PRKAG2: variants seen among roughly 807,000 people sequenced by gnomAD.
The protein encoded by PRKAG2 is protein kinase AMP-activated non-catalytic subunit gamma 2.
Under a neutral mutation model 69.6 loss-of-function variants are expected in PRKAG2, and 26 were observed. The observed-to-expected ratio is 0.37, with a 90% CI of 0.27 to 0.52. The LOEUF (loss-of-function observed/expected upper bound fraction) is 0.52. Among genes scored for constraint, PRKAG2 ranks in the 20% least tolerant of loss-of-function variants. PRKAG2 has a pLI of 0.90. For missense variants in PRKAG2, 557 were observed against 740.0 expected, an observed-to-expected ratio of 0.75 and a Z score of 2.87; for synonymous variants, 293 against 285.0, an observed-to-expected ratio of 1.03 and a Z score of -0.28.
intron 3 of PRKAG2, among the ~76,000 whole-genome samples, chr7:151,753,860 C>A (rs1238062076): frequency 6.6e-6 from 1 of 152,034 alleles, no homozygotes; most frequent in Non-Finnish European, 1.5e-5. Flanking sequence ...ATGGCAAAAC[C>A]CCATCTCTAC....
chr7:151,773,025 G>GAAAGAAAGAA (rs762104825), intron 3 of PRKAG2, among the ~76,000 whole-genome samples: 65 of 40,016 alleles, frequency 1.6e-3, no homozygotes, highest in Non-Finnish European at 1.8e-3. Flanking sequence ...AAGAAAGAAA[G>GAAAGAAAGAA]AGAGAGAGAG....
rs183442861 is a variant in PRKAG2, at chr7:151,777,908, T to C, written c.466+3244A>G. 3.9e-5 allele frequency among the ~76,000 whole-genome samples: 6 copies of C among 152,212 alleles called. No homozygotes were observed. Among genetic ancestry groups the C allele is most frequent in the Admixed American group, 3.3e-4 (5 of 15,278 alleles). On this transcript the variant is annotated intron_variant, in intron 3 of 15. Coordinates refer to ENST00000287878, the MANE Select transcript of PRKAG2 (RefSeq NM_016203.4). The surrounding 1 kb of genome is among the most constrained non-coding windows in gnomAD (Gnocchi z 4.3). ...GGCTAACATGCAGGTGTAGTTTCTATGATCTCGTACTGCTCTGGGGTCATG... is the reference window on the plus strand; with the variant it reads ...GGCTAACATGCAGGTGTAGTTTCTACGATCTCGTACTGCTCTGGGGTCATG...
intron 1 of PRKAG2, among the ~76,000 whole-genome samples, chr7:151,841,417 G>GGTAGGTAGGGATGGTAGTGATA (rs1433890923): frequency 2.0e-5 from 3 of 149,690 alleles, no homozygotes; most frequent in East Asian, 2.0e-4. Context: ...TGGTAGTGAT[G>GGTAGGTAGGGATGGTAGTGATA]GTAGGTAGGG....
intron 1 of PRKAG2, among the ~76,000 whole-genome samples, chr7:151,831,271 C>T (rs1209087823): frequency 6.6e-6 from 1 of 152,074 alleles, no homozygotes; most frequent in African/African-American, 2.4e-5. Context: ...TATTTCCATA[C>T]AGAAATTTGT....
At position 151,719,817 on chromosome 7, in the gene PRKAG2, G is replaced by A. The variant is rs1796755886; in HGVS notation, c.467-44180C>T. On this transcript the variant is annotated intron_variant, in intron 3 of 15. Transcript: ENST00000287878. The surrounding 1 kb of genome is among the most constrained non-coding windows in gnomAD (Gnocchi z 5.2). ...CTCCTCCCCCTGAGTTTGCCAGGCA[G>A]CCTGTAAGTTGGGGCTCCAAGTAAC... 1.3e-5 allele frequency among the ~76,000 whole-genome samples: 2 copies of A among 152,146 alleles called. No individual in the cohort carries two copies. Among genetic ancestry groups the A allele is most frequent in the South Asian group, 4.2e-4 (2 of 4,804 alleles).
At position 151,851,324 on chromosome 7, in the gene PRKAG2, G is replaced by A. The variant is rs142221485; in HGVS notation, c.114+25183C>T. On this transcript the variant is annotated intron_variant, in intron 1 of 15. Transcript: ENST00000287878. ...CGGGTTTTCCCAGTTTGAGACTGGC[G>A]AGTTTGGGGCCTCTGGCAAAAAAAA... Among the ~76,000 whole-genome samples, 665 of 150,290 alleles carry A rather than the reference G, an allele frequency of 4.4e-3. 4 individuals are homozygous for A. The highest frequency in any genetic ancestry group is 0.016 in the African/African-American group (637 of 40,598).
chr7:151,773,122 G>GGAAAGAAGGGAA (rs2076160048), intron 3 of PRKAG2, among the ~76,000 whole-genome samples: 1 of 128,470 alleles, frequency 7.8e-6, no homozygotes, highest in East Asian at 2.2e-4. Flanking sequence ...AGGGAAGGAA[G>GGAAAGAAGGGAA]GAAAGGAAGG....
Position 151,807,934 on chromosome 7 carries a change from G to C in PRKAG2, c.115-21393C>G, listed in dbSNP as rs112386889. Among the ~76,000 whole-genome samples the C allele has an allele frequency of 7.6e-3, 1,150 of 152,286 alleles. 9 individuals are homozygous for C. The highest frequency in any genetic ancestry group is 0.02 in the Middle Eastern group (6 of 294). ...GTGGGGACGCTAGACTCAAGGGAAGGCTCTGGAGGAAGGAAGAGGCTAAAG... is the reference window on the plus strand; with the variant it reads ...GTGGGGACGCTAGACTCAAGGGAAGCCTCTGGAGGAAGGAAGAGGCTAAAG... On this transcript the variant is annotated intron_variant, in intron 1 of 15. Transcript: ENST00000287878. This position sits in a 1 kb window ranked among gnomAD's most constrained non-coding sequence, Gnocchi z 4.4.
intron 4 of PRKAG2, among the ~76,000 whole-genome samples, chr7:151,663,016 T>A (rs1275042575): frequency 2.6e-5 from 4 of 151,590 alleles, no homozygotes; most frequent in Non-Finnish European, 1.5e-5. Flanking sequence ...TCACCTGAGG[T>A]CAGGAGTTCA....
At chr7:151,848,319 G>A (rs2079483916) in intron 1 of PRKAG2, among the ~76,000 whole-genome samples, 2 of 152,110 alleles carry the variant, frequency 1.3e-5, no homozygotes, top group Admixed American at 6.5e-5. Flanking sequence ...TTGTCCATGT[G>A]AAGTCACAGT....
chr7:151,606,269 G>C (rs972396788), intron 5 of PRKAG2, among the ~76,000 whole-genome samples: 1 of 152,174 alleles, frequency 6.6e-6, no homozygotes, highest in Non-Finnish European at 1.5e-5. Context: ...CACAACAAAA[G>C]TATAAGCTTT....
At chr7:151,789,815 A>G (rs1360369388) in intron 1 of PRKAG2, among the ~76,000 whole-genome samples, 2 of 152,298 alleles carry the variant, frequency 1.3e-5, no homozygotes, top group East Asian at 3.9e-4. Context: ...GTGCCTCCCA[A>G]GGAGGAGTCT....
At chr7:151,619,988 T>A (rs1277719255) in intron 5 of PRKAG2, among the ~76,000 whole-genome samples, 3 of 152,280 alleles carry the variant, frequency 2.0e-5, no homozygotes, top group Admixed American at 6.5e-5. Context: ...GCCACTGTAC[T>A]CTAGCCTGGG....
At chr7:151,819,482 T>C (rs1339948160) in intron 1 of PRKAG2, among the ~76,000 whole-genome samples, 1 of 152,214 alleles carries the variant, frequency 6.6e-6, no homozygotes, top group African/African-American at 2.4e-5. Flanking sequence ...AGATGTTTGC[T>C]GAGTGGCTGT....
At chr7:151,747,583 C>CA (rs2074370905) in intron 3 of PRKAG2, among the ~76,000 whole-genome samples, 1 of 151,894 alleles carries the variant, frequency 6.6e-6, no homozygotes, top group South Asian at 2.1e-4. Flanking sequence ...ACCAAACAAA[C>CA]AAAAAAACTG....
intron 1 of PRKAG2, among the ~76,000 whole-genome samples, chr7:151,840,291 T>A (rs995591330): frequency 3.3e-5 from 5 of 151,996 alleles, no homozygotes; most frequent in African/African-American, 9.7e-5. Flanking sequence ...CTGGCTAAGG[T>A]GCCTTCGAGG....
intron 3 of PRKAG2, among the ~76,000 whole-genome samples, chr7:151,689,781 G>C (rs1357690190): frequency 6.6e-6 from 1 of 152,174 alleles, no homozygotes; most frequent in East Asian, 1.9e-4. Flanking sequence ...AGGCCCTCTG[G>C]GTGTCAGGTG....
Position 151,632,595 on chromosome 7 carries a change from C to A in PRKAG2, c.685-457G>T. On this transcript the variant is annotated intron_variant, in intron 4 of 15. Transcript: ENST00000287878. The surrounding 1 kb of genome is among the most constrained non-coding windows in gnomAD (Gnocchi z 4.2). ...CCTTCCCAGCACCGGCGGCCGCGCT[C>A]GGCAGGCTCCACCTGCGCAGGTGTG... 1 of 984,178 alleles carries A rather than the reference C, an allele frequency of 1.0e-6. No homozygotes were observed. Among genetic ancestry groups the A allele is most frequent in the Non-Finnish European group, 1.2e-6 (1 of 829,062 alleles). The allele number at this position is 984,178 out of a possible 1,614,324, so 61.0% of individuals were successfully genotyped here. A position where few individuals can be genotyped will look rare whatever the true frequency, so the allele number is the denominator to read the frequency against.
At chr7:151,725,455 A>C (rs937965954) in intron 3 of PRKAG2, among the ~76,000 whole-genome samples, 5 of 151,914 alleles carry the variant, frequency 3.3e-5, no homozygotes, top group African/African-American at 1.2e-4. Flanking sequence ...CCGGAGATGG[A>C]TGGCTGGCTG....
Sources: allele counts gnomAD v4.1 joint callset (sites outside exome capture counted in the v4.1 genomes callset), GRCh38; gene constraint gnomAD v4.1.1; non-coding constraint Gnocchi (gnomAD v3.1); transcripts MANE v1.5; gene names NCBI Gene and HGNC (gene_info 2026-07-23, HGNC 2026-07-21).